The following ANKIB1 variants were observed in gnomAD, a reference collection of about 807,000 sequenced individuals.
ANKIB1 encodes the protein ankyrin repeat and IBR domain containing 1.
A neutral mutation model predicts 122.1 loss-of-function variants in ANKIB1; 43 were observed. That is an observed-to-expected ratio of 0.35 (90% CI 0.28 to 0.45). The LOEUF (loss-of-function observed/expected upper bound fraction) is 0.45, where lower values mean the gene tolerates loss of function less well. Among genes scored for constraint, ANKIB1 ranks in the 20% least tolerant of loss-of-function variants. The probability of loss-of-function intolerance (pLI) is 1.00; values close to 1 mark genes in which losing one functional copy is unlikely to be tolerated. For synonymous variants in ANKIB1, 390 were observed against 442.0 expected (o/e 0.88, Z 1.48); for missense variants, 992 against 1,329.5 (o/e 0.75, Z 3.95).
intron 2 of ANKIB1, among the ~76,000 whole-genome samples, chr7:92,304,683 A>T (rs559295935): frequency 2.6e-5 from 4 of 152,202 alleles, no homozygotes; most frequent in East Asian, 3.9e-4. Flanking sequence ...TTTTTTTGTC[A>T]ATCATGCCTT....
chr7:92,287,666 C>T (rs1802159601), intron 1 of ANKIB1, among the ~76,000 whole-genome samples: 1 of 152,028 alleles, frequency 6.6e-6, no homozygotes, highest in African/African-American at 2.4e-5. Flanking sequence ...TCTCAAACTT[C>T]TGTCCACAAA....
intron 2 of ANKIB1, among the ~76,000 whole-genome samples, chr7:92,305,637 T>A (rs1162975013): frequency 6.6e-6 from 1 of 152,206 alleles, no homozygotes; most frequent in Admixed American, 6.5e-5. Context: ...TTCTAAGTAG[T>A]GTTGGTTTGC....
intron 5 of ANKIB1, among the ~76,000 whole-genome samples, chr7:92,333,554 A>G (rs1261908147): frequency 2.6e-5 from 4 of 151,678 alleles, no homozygotes; most frequent in Non-Finnish European, 5.9e-5. Context: ...ACCTCTCTTT[A>G]TGGTGTTTCT....
intron 3 of ANKIB1, among the ~76,000 whole-genome samples, chr7:92,316,999 ACT>A (rs1311767701): frequency 6.6e-6 from 1 of 152,128 alleles, no homozygotes; most frequent in African/African-American, 2.4e-5. Flanking sequence ...ATTTTCTGGG[ACT>A]CTGAATAAAG....
intron 18 of ANKIB1, 118 bp downstream of exon 18, chr7:92,396,594 G>A (rs1174527359): frequency 1.6e-6 from 1 of 619,290 alleles, no homozygotes; most frequent in African/African-American, 1.9e-5. Context: ...TAAATATGCA[G>A]ATGTTTCTGT....
In ANKIB1 at chr7:92,352,642, G is replaced by T; in HGVS notation, c.1397G>T (p.Trp466Leu). 3 of 1,606,062 alleles carry T rather than the reference G, an allele frequency of 1.9e-6. No individual in the cohort carries two copies. The highest frequency in any genetic ancestry group is 1.7e-6 in the Non-Finnish European group (2 of 1,178,066). Residue 466 changes from tryptophan to leucine, a missense_variant and splice_region_variant, in exon 9 of 20, where the codon TGG becomes TTG. By Grantham distance (61) the Trp-to-Leu change is moderately conservative (BLOSUM62 -2). This residue lies in a region of ANKIB1 where 521 missense variants were observed against 777.7 expected (regional missense o/e 0.67). Transcript: ENST00000265742. Reference sequence around the variant, plus strand: ...TGTGGAAAAGGACACCTCTTCTGCTGGTTAGTATAAGACAAGTTGGAATCA... The same window carrying T: ...TGTGGAAAAGGACACCTCTTCTGCTTGTTAGTATAAGACAAGTTGGAATCA... The part of the protein sequence containing the change: ...VDCGKGHLFC[W>L]ECLGEAHEPC...
At chr7:92,389,509 G>A (rs1183849276) in intron 14 of ANKIB1, among the ~76,000 whole-genome samples, 1 of 151,994 alleles carries the variant, frequency 6.6e-6, no homozygotes, top group African/African-American at 2.4e-5. Flanking sequence ...TTGCCAGAAT[G>A]TTGTATCTTT....
chr7:92,339,238 T>G (rs1398414252), intron 5 of ANKIB1, among the ~76,000 whole-genome samples: 1 of 151,336 alleles, frequency 6.6e-6, no homozygotes, highest in East Asian at 2.0e-4. Flanking sequence ...GCGATGGGGT[T>G]TCACTGTGTT....
At chr7:92,249,049 G>A (rs1202437256) in intron 1 of ANKIB1, among the ~76,000 whole-genome samples, 2 of 151,706 alleles carry the variant, frequency 1.3e-5, no homozygotes, top group African/African-American at 4.8e-5. Flanking sequence ...CACCACACCC[G>A]GCTAATTTTT....
chr7:92,394,619 CTTGAA>C (rs1003889943), intron 17 of ANKIB1, among the ~76,000 whole-genome samples: 37 of 152,196 alleles, frequency 2.4e-4, no homozygotes, highest in African/African-American at 7.7e-4. Flanking sequence ...TAATATAAAA[CTTGAA>C]TTGAGATAAA....
chr7:92,349,567 A>G (rs975949509), intron 7 of ANKIB1, among the ~76,000 whole-genome samples: 1 of 152,180 alleles, frequency 6.6e-6, no homozygotes, highest in African/African-American at 2.4e-5. Flanking sequence ...CTGGTTTTCC[A>G]TTTATTTTCT....
intron 1 of ANKIB1, among the ~76,000 whole-genome samples, chr7:92,256,370 TG>T (rs1307345807): frequency 1.3e-5 from 2 of 152,154 alleles, no homozygotes; most frequent in African/African-American, 4.8e-5. Flanking sequence ...AAAATTCAGT[TG>T]GGGGTGGGAT....
At chr7:92,346,969 A>G (rs1203552439) in intron 7 of ANKIB1, among the ~76,000 whole-genome samples, 1 of 152,216 alleles carries the variant, frequency 6.6e-6, no homozygotes. Flanking sequence ...ATTTTGTCAA[A>G]TCAAGCACCA....
At chr7:92,392,352 T>G in intron 17 of ANKIB1, 60 bp downstream of exon 17, 1 of 1,418,090 alleles carries the variant, frequency 7.1e-7, no homozygotes, top group Non-Finnish European at 9.9e-7. Flanking sequence ...GTGCTTGCAT[T>G]TGCATCCTTA....
rs1422576810 is a variant in ANKIB1 at position 92,364,667 on chromosome 7, A to G, written c.1486+2394A>G. 2.6e-5 allele frequency among the ~76,000 whole-genome samples: 4 copies of G among 152,218 alleles called. No individual in the cohort carries two copies. In the South Asian group the frequency reaches 8.3e-4, roughly 32 times the overall value. On this transcript the variant is annotated intron_variant, in intron 10 of 19. Coordinates refer to ENST00000265742, the MANE Select transcript of ANKIB1 (RefSeq NM_019004.2). Reference sequence around the variant, plus strand: ...TTGCTAGAGATGAGGCTAGAAAGGTAGGTGTTGCCAGATTGTGAGTGTTAT... The same window carrying G: ...TTGCTAGAGATGAGGCTAGAAAGGTGGGTGTTGCCAGATTGTGAGTGTTAT...
chr7:92,307,015 C>T (rs1802575402), intron 2 of ANKIB1, among the ~76,000 whole-genome samples: 1 of 152,134 alleles, frequency 6.6e-6, no homozygotes, highest in African/African-American at 2.4e-5. Context: ...GTATAATTGA[C>T]ATTAATCTGT....
chr7:92,393,909 A>G (rs867128467), intron 17 of ANKIB1, among the ~76,000 whole-genome samples: 3 of 152,148 alleles, frequency 2.0e-5, no homozygotes, highest in Non-Finnish European at 1.5e-5. Flanking sequence ...ATAGTGAGGG[A>G]AAAAACAAGG....
At chr7:92,259,548 AATTAT>A (rs1180011785) in intron 1 of ANKIB1, among the ~76,000 whole-genome samples, 1 of 152,228 alleles carries the variant, frequency 6.6e-6, no homozygotes, top group Non-Finnish European at 1.5e-5. Flanking sequence ...GAAAAAAGGA[AATTAT>A]CAGGGGATTT....
rs1562773839 is a variant in ANKIB1, at chr7:92,295,173, A to G, written c.188+7A>G. On this transcript the variant is annotated splice_region_variant and intron_variant, in intron 2 of 19. Transcript: ENST00000265742. ...GAATGAATAAAATATTAGGGTAAGT[A>G]TTACTATAAACTAATTGGTATTAGG... is the stretch of plus-strand genomic sequence containing the variant. The G allele has an allele frequency of 1.2e-5, 18 of 1,529,686 alleles. No individual in the cohort carries two copies. Among genetic ancestry groups the G allele is most frequent in the Admixed American group, 8.1e-5 (4 of 49,440 alleles). 94.8% of individuals were successfully genotyped at this position (1,529,686 alleles called of 1,614,324 possible).
Sources: gnomAD v4.1 joint callset for allele counts (sites outside exome capture counted in the v4.1 genomes callset) on GRCh38, gnomAD v4.1.1 for gene constraint, gnomAD v4.1.1 regional missense constraint, MANE v1.5 for transcripts, NCBI Gene and HGNC (gene_info 2026-07-23, HGNC 2026-07-21) for gene names.